INF2: variants seen among roughly 807,000 people sequenced by gnomAD.
The protein encoded by INF2 is inverted formin 2.
A neutral mutation model predicts 123.5 loss-of-function variants in INF2; 43 were observed. That is an observed-to-expected ratio of 0.35 (90% confidence interval 0.27 to 0.45). The LOEUF (loss-of-function observed/expected upper bound fraction) is 0.45, where lower values mean the gene tolerates loss of function less well. Among genes scored for constraint, INF2 ranks in the 20% least tolerant of loss-of-function variants. The probability of loss-of-function intolerance (pLI) is 1.00; values close to 1 mark genes in which losing one functional copy is unlikely to be tolerated. For missense variants in INF2, 1,453 were observed against 1,682.7 expected (o/e 0.86, Z 2.39); for synonymous variants, 851 against 745.0 (o/e 1.14, Z -2.32).
intron 22 of INF2, 67 bp downstream of exon 22, chr14:104,715,407 T>C (rs1300142532): frequency 7.1e-7 from 1 of 1,403,942 alleles, no homozygotes; most frequent in Non-Finnish European, 1.0e-6. Flanking sequence ...TGGAGCTTGC[T>C]GCCCACACCC....
At chr14:104,710,047 G>T (rs372988129) in intron 12 of INF2, 41 bp from the exon 13 acceptor site, 5 of 1,467,944 alleles carry the variant, frequency 3.4e-6, no homozygotes, top group Admixed American at 2.0e-5. Flanking sequence ...AGGGACAGGT[G>T]GGGGGTGCAG....
intron 1 of INF2, among the ~76,000 whole-genome samples, chr14:104,692,891 G>T (rs1889021120): frequency 6.6e-6 from 1 of 152,156 alleles, no homozygotes; most frequent in South Asian, 2.1e-4. Flanking sequence ...TACCAGGAGA[G>T]TCCTGAGAGA....
At position 104,684,286 on chromosome 14, in the gene INF2, C is replaced by A; in HGVS notation, c.-104+2704C>A. ...GTCAGCAGGGAGGTGGACTGCGTCT[C>A]CCGAGGGCCAGCACTGGCTTAGCCT... is the stretch of plus-strand genomic sequence containing the variant. On this transcript the variant is annotated intron_variant, in intron 1 of 2. Coordinates refer to the INF2 transcript ENST00000674723. The surrounding 1 kb of genome is among the most constrained non-coding windows in gnomAD (Gnocchi z 5.0). 2.6e-6 allele frequency: 1 copy of A among 381,472 alleles called. No individual in the cohort carries two copies. The highest frequency in any genetic ancestry group is 3.0e-5 in the Admixed American group (1 of 33,642). The allele number at this position is 381,472 out of a possible 1,614,324, so 23.6% of individuals were successfully genotyped here.
chr14:104,682,936 A>G (rs1038108393), intron 1 of INF2, among the ~76,000 whole-genome samples: 1 of 151,940 alleles, frequency 6.6e-6, no homozygotes, highest in Admixed American at 6.6e-5. Context: ...GGGCCTCCGC[A>G]ATGTTGGGTG....
upstream of INF2, among the ~76,000 whole-genome samples, chr14:104,685,500 G>C (rs1247196052): frequency 1.3e-5 from 2 of 151,844 alleles, no homozygotes; most frequent in Non-Finnish European, 2.9e-5. Context: ...GTGACTGGGG[G>C]CGGTCGTGTC....
chr14:104,700,584 G>GT (rs1407542485), intron 1 of INF2, among the ~76,000 whole-genome samples: 2 of 152,184 alleles, frequency 1.3e-5, no homozygotes, highest in Non-Finnish European at 2.9e-5. Flanking sequence ...GATGTCAGAG[G>GT]TGCAACCCGC....
At chr14:104,714,181 A>T in intron 20 of INF2, 22 bp from the exon 21 acceptor site, 1 of 1,482,236 alleles carries the variant, frequency 6.7e-7, no homozygotes, top group Non-Finnish European at 8.9e-7. Context: ...CCTGCCCTTC[A>T]CTGGTGTGTC....
chr14:104,691,747 G>A (rs1037524676), intron 1 of INF2, among the ~76,000 whole-genome samples: 1 of 152,070 alleles, frequency 6.6e-6, no homozygotes, highest in Non-Finnish European at 1.5e-5. Context: ...GCTCCCCGTC[G>A]CTGGAGGGGT....
upstream of INF2, among the ~76,000 whole-genome samples, chr14:104,688,984 C>G (rs1460865350): frequency 6.6e-6 from 1 of 152,240 alleles, no homozygotes; most frequent in Admixed American, 6.5e-5. Context: ...AAAACCCACC[C>G]CATTGCGACA....
At position 104,718,766 on chromosome 14, in the gene INF2, A is replaced by G. The variant is rs374763306; in HGVS notation, c.*2-29A>G. The G allele has an allele frequency of 5.7e-5, 92 of 1,611,900 alleles. No individual in the cohort carries two copies. The African/African-American group carries it at 1.2e-3, about 20-fold the overall frequency. ...TATTGTACCCAGCAAAACTGCTCCT[A>G]ATAATGTCATTTTTTCTCTCTCTTA... On this transcript the variant is annotated intron_variant, in intron 22 of 22. Coordinates refer to ENST00000392634, the MANE Select transcript of INF2 (RefSeq NM_022489.4).
In INF2 at chr14:104,708,044, G is replaced by A. The variant is rs190829431; in HGVS notation, c.1735+42G>A. The stretch of plus-strand genomic sequence containing the variant: ...CCCCAAGGGAAGCTTCCCCTAGGAC[G>A]GGGGCTGGTCTCTGCTGGGGAGAGG... On this transcript the variant is annotated intron_variant, in intron 8 of 22. Coordinates refer to ENST00000392634, the MANE Select transcript of INF2 (RefSeq NM_022489.4). 6.9e-4 allele frequency: 1,096 copies of A among 1,597,602 alleles called. 6 individuals are homozygous for A. The highest frequency in any genetic ancestry group is 3.6e-3 in the African/African-American group (273 of 75,026).
At chr14:104,717,841 C>T (rs767023324) in intron 22 of INF2, among the ~76,000 whole-genome samples, 35 of 152,226 alleles carry the variant, frequency 2.3e-4, no homozygotes, top group Admixed American at 1.6e-3. Flanking sequence ...CGCTGCAGCG[C>T]GGTTCTGTGT....
At chr14:104,697,774 G>T (rs1028689218) in intron 1 of INF2, among the ~76,000 whole-genome samples, 7 of 152,252 alleles carry the variant, frequency 4.6e-5, no homozygotes, top group African/African-American at 1.7e-4. Flanking sequence ...AGCAAGTGCT[G>T]AAGAACCATG....
chr14:104,715,255 T>A (rs1375744846), intron 21 of INF2, 29 bp from the exon 22 acceptor site: 1 of 1,608,074 alleles, frequency 6.2e-7, no homozygotes, highest in East Asian at 2.2e-5. Flanking sequence ...TGATAAGCCG[T>A]TGAGTGCGTT....
At chr14:104,705,558 C>T (rs1889743029) in intron 5 of INF2, among the ~76,000 whole-genome samples, 1 of 152,164 alleles carries the variant, frequency 6.6e-6, no homozygotes. Context: ...AAGTCCTAGG[C>T]CCAGTGAACA....
At chr14:104,717,371 C>T (rs76711273) in intron 22 of INF2, among the ~76,000 whole-genome samples, 6,786 of 151,280 alleles carry the variant, frequency 0.045, 189 homozygotes, top group Non-Finnish European at 0.067. Flanking sequence ...TCCTCCCAGT[C>T]CCCCCCGGGC....
chr14:104,708,457 C>T lies in INF2; in HGVS notation c.1757C>T (p.Ser586Phe). 1 of 1,612,408 alleles carries T rather than the reference C, an allele frequency of 6.2e-7. No individual in the cohort carries two copies. The highest frequency in any genetic ancestry group is 8.5e-7 in the Non-Finnish European group (1 of 1,179,802). Residue 586 changes from serine (S) to phenylalanine (F), a missense_variant, in exon 9 of 23, where the codon TCC (serine) becomes TTC (phenylalanine). This residue lies in a region of INF2 where 192 missense variants were observed against 274.4 expected (regional missense o/e 0.70). Coordinates refer to ENST00000392634, the MANE Select transcript of INF2 (RefSeq NM_022489.4). ...VAREHNSMWASLSSPDAEAVE... is the reference protein window; with the variant it reads ...VAREHNSMWAFLSSPDAEAVE... Reference sequence around the variant, plus strand: ...ACAGAGCACAACTCTATGTGGGCGTCCCTGAGCAGCCCCGACGCCGAGGCT... The same window carrying T: ...ACAGAGCACAACTCTATGTGGGCGTTCCTGAGCAGCCCCGACGCCGAGGCT...
In INF2 at chr14:104,691,040, T is replaced by C. The variant is rs563951945; in HGVS notation, c.-10+1301T>C. On this transcript the variant is annotated intron_variant, in intron 1 of 22. Coordinates refer to ENST00000392634, the MANE Select transcript of INF2 (RefSeq NM_022489.4). Reference sequence around the variant, plus strand: ...CCCATCCCTGGACTGTCATGGGCCCTGCAGCCCGGCAAAGGGGATGTCGCT... The same window carrying C: ...CCCATCCCTGGACTGTCATGGGCCCCGCAGCCCGGCAAAGGGGATGTCGCT... Among the ~76,000 whole-genome samples the C allele has an allele frequency of 2.9e-3, 437 of 152,350 alleles. 1 individual carries two copies. Among genetic ancestry groups the C allele is most frequent in the African/African-American group, 9.6e-3 (401 of 41,584 alleles).
chr14:104,717,282 G>A (rs554748672), intron 22 of INF2, among the ~76,000 whole-genome samples: 1 of 124,916 alleles, frequency 8.0e-6, no homozygotes, highest in African/African-American at 3.2e-5. Flanking sequence ...AGGGTGCGCT[G>A]CCGTCCTCCC....
Sources: allele counts gnomAD v4.1 joint callset (sites outside exome capture counted in the v4.1 genomes callset), GRCh38; gene constraint gnomAD v4.1.1; regional missense constraint gnomAD v4.1.1; non-coding constraint Gnocchi (gnomAD v3.1); transcripts MANE v1.5; gene names NCBI Gene and HGNC (gene_info 2026-07-23, HGNC 2026-07-21).